The following SCRN3 variants were observed in gnomAD, a reference collection of about 807,000 sequenced individuals.
SCRN3 encodes secernin-3.
In SCRN3, 39 loss-of-function variants were observed where a neutral mutation model predicts 43.1. The observed-to-expected ratio is 0.91, with a 90% CI of 0.70 to 1.18. The LOEUF (loss-of-function observed/expected upper bound fraction) is 1.18. Ranked by LOEUF, SCRN3 falls within the 50% of genes most tolerant of loss-of-function variation. The pLI is 0.00. For missense variants in SCRN3, 484 were observed against 498.0 expected (o/e 0.97, Z 0.27); for synonymous variants, 147 against 163.1 (o/e 0.90, Z 0.75).
Position 174,429,506 on chromosome 2 carries a change from A to G in SCRN3, c.*1611A>G, listed in dbSNP as rs1249421183. The G allele has an allele frequency of 6.6e-6, 1 of 152,148 alleles. No individual in the cohort carries two copies. Among genetic ancestry groups the G allele is most frequent in the African/African-American group, 2.4e-5 (1 of 41,426 alleles). The allele number at this position is 152,148 out of a possible 1,614,324, so 9.4% of individuals were successfully genotyped here. ...AGTTTTAGGTTCACAGCAAAATTGA[A>G]CAGAAAGTACAGAGTTCCAATACAG... On this transcript the variant is annotated 3_prime_UTR_variant, in exon 8 of 8. Transcript: ENST00000272732.
intron 7 of SCRN3, among the ~76,000 whole-genome samples, chr2:174,424,904 T>G (rs1471397249): frequency 2.0e-5 from 3 of 152,198 alleles, no homozygotes; most frequent in Admixed American, 1.3e-4. Context: ...TACATAGCAC[T>G]TTTACATGAA....
In SCRN3 at chr2:174,398,399, A is replaced by T. The variant is rs1242937968; in HGVS notation, c.116A>T (p.Tyr39Phe). 8.1e-6 allele frequency: 13 copies of T among 1,603,678 alleles called. No individual in the cohort carries two copies. The Admixed American group carries it at 1.9e-4, about 24-fold the overall frequency. The change falls in exon 2 of 8, where the codon TAT (tyrosine) becomes TTT (phenylalanine). Residue 39 changes from tyrosine to phenylalanine, a missense_variant. Coordinates refer to ENST00000272732, the MANE Select transcript of SCRN3 (RefSeq NM_024583.5). ...TATGATGAAGTACAAGAGGTGGTTT[A>T]TTTTCCTGCTGTAGTTCATGATAAC... Reference protein sequence around the residue: ...RLYDEVQEVVYFPAVVHDNLG... With the variant: ...RLYDEVQEVVFFPAVVHDNLG...
At chr2:174,395,977 C>G in intron 1 of SCRN3, 160 bp downstream of exon 1, 1 of 1,384,014 alleles carries the variant, frequency 7.2e-7, no homozygotes. Flanking sequence ...CCGCGGCGGC[C>G]CTTCGACCAA....
At chr2:174,404,403 T>G in intron 5 of SCRN3, 88 bp downstream of exon 5, 1 of 802,296 alleles carries the variant, frequency 1.2e-6, no homozygotes, top group Non-Finnish European at 1.9e-6. Flanking sequence ...TTTTGGGGAA[T>G]TATAATTAGT....
At chr2:174,421,180 G>T (rs1167228525) in intron 5 of SCRN3, among the ~76,000 whole-genome samples, 1 of 152,160 alleles carries the variant, frequency 6.6e-6, no homozygotes, top group African/African-American at 2.4e-5. Context: ...TAAGGTGATG[G>T]AGAAAGATAA....
rs1386339194 is a variant in SCRN3 at position 174,422,883 on chromosome 2, A to G, written c.755-2A>G. ...TGATGATTTTAAAAATTATTTCTCT[A>G]GGAAATATAACTTTTGAAACAATGA... On this transcript the variant is annotated splice_acceptor_variant, in intron 5 of 7. Transcript: ENST00000272732. LOFTEE classifies it high-confidence loss of function. The G allele has an allele frequency of 6.3e-7, 1 of 1,589,584 alleles. No individual in the cohort carries two copies. The highest frequency in any genetic ancestry group is 1.7e-5 in the Admixed American group (1 of 59,660).
chr2:174,398,199 G>A (rs1337737993), intron 1 of SCRN3, 76 bp from the exon 2 acceptor site: 1 of 842,902 alleles, frequency 1.2e-6, no homozygotes, highest in Non-Finnish European at 1.7e-6. Context: ...ATATCCTTTG[G>A]TCATTGAGTA....
intron 4 of SCRN3, 44 bp downstream of exon 4, chr2:174,401,233 A>T: frequency 7.0e-7 from 1 of 1,426,716 alleles, no homozygotes; most frequent in Non-Finnish European, 9.9e-7. Context: ...TGCAATTAAT[A>T]AAATACACCC....
chr2:174,402,696 G>T (rs1277374285), intron 4 of SCRN3, among the ~76,000 whole-genome samples: 3 of 152,056 alleles, frequency 2.0e-5, no homozygotes, highest in Non-Finnish European at 1.5e-5. Flanking sequence ...TGAAAGAAAA[G>T]AAAAGAGGGA....
intron 5 of SCRN3, among the ~76,000 whole-genome samples, chr2:174,421,255 A>G (rs35768696): frequency 0.19 from 29,617 of 152,210 alleles, 3,374 homozygotes; most frequent in Middle Eastern, 0.37. Context: ...GAAATAAAAC[A>G]GAGAATTACT....
chr2:174,424,953 G>T (rs1213755914), intron 7 of SCRN3, among the ~76,000 whole-genome samples: 1 of 152,030 alleles, frequency 6.6e-6, no homozygotes, highest in East Asian at 1.9e-4. Flanking sequence ...TATGAAATGG[G>T]TACTATTTTG....
intron 5 of SCRN3, among the ~76,000 whole-genome samples, chr2:174,410,779 T>A (rs755463915): frequency 4.6e-5 from 7 of 152,186 alleles, no homozygotes; most frequent in Non-Finnish European, 1.0e-4. Context: ...GAATTCCCTC[T>A]TTCCACTCCA....
chr2:174,415,902 A>G (rs1038666234), intron 5 of SCRN3, among the ~76,000 whole-genome samples: 3 of 152,112 alleles, frequency 2.0e-5, no homozygotes, highest in African/African-American at 7.2e-5. Flanking sequence ...ACCTTGGCCT[A>G]TCAAAGTGCT....
chr2:174,395,998 A>T, intron 1 of SCRN3, 181 bp downstream of exon 1: 1 of 1,367,040 alleles, frequency 7.3e-7, no homozygotes, highest in Non-Finnish European at 9.4e-7. Flanking sequence ...AGGTGCTTGA[A>T]GCTCGAGCCC....
chr2:174,414,423 T>C (rs1463254122), intron 5 of SCRN3, among the ~76,000 whole-genome samples: 1 of 152,208 alleles, frequency 6.6e-6, no homozygotes, highest in African/African-American at 2.4e-5. Flanking sequence ...TAATTTTTCT[T>C]TTTTTACAGA....
At chr2:174,427,380 A>T (rs1426655757) in intron 7 of SCRN3, among the ~76,000 whole-genome samples, 1 of 152,184 alleles carries the variant, frequency 6.6e-6, no homozygotes, top group African/African-American at 2.4e-5. Flanking sequence ...AAAATATTTC[A>T]GCCTCAGTTT....
At chr2:174,419,581 A>G (rs965436387) in intron 5 of SCRN3, among the ~76,000 whole-genome samples, 2 of 151,174 alleles carry the variant, frequency 1.3e-5, no homozygotes, top group Non-Finnish European at 3.0e-5. Context: ...CGGACTTGCC[A>G]TGTTGCCCAG....
In SCRN3 at chr2:174,427,758, G is replaced by C. The variant is rs888428309; in HGVS notation, c.1138G>C (p.Glu380Gln). The change falls in exon 8 of 8, where the codon GAA becomes CAA. Residue 380 changes from glutamate to glutamine, a missense_variant. Coordinates refer to ENST00000272732, the MANE Select transcript of SCRN3 (RefSeq NM_024583.5). The part of the protein sequence containing the change: ...MLDNMRKLEK[E>Q]LFREMESILQ... ...GGACAACATGAGGAAACTGGAGAAA[G>C]AACTATTCAGAGAGATGGAATCAAT... 2.5e-6 allele frequency: 4 copies of C among 1,609,832 alleles called. No homozygotes were observed.
chr2:174,400,280 A>T (rs1463848352), intron 3 of SCRN3, among the ~76,000 whole-genome samples, 177 bp downstream of exon 3: 2 of 151,964 alleles, frequency 1.3e-5, no homozygotes, highest in African/African-American at 2.4e-5. Flanking sequence ...TTGGTTTTTT[A>T]AAATTAATTA....
Sources: gnomAD v4.1 joint callset for allele counts (sites outside exome capture counted in the v4.1 genomes callset) on GRCh38, gnomAD v4.1.1 for gene constraint, MANE v1.5 for transcripts, NCBI Gene and HGNC (gene_info 2026-07-23, HGNC 2026-07-21) for gene names.